Variants in HTRA3 observed in about 807,000 individuals in gnomAD.
HTRA3 encodes HtrA serine peptidase 3, also known as serine protease HTRA3.
Under a neutral mutation model 43.2 loss-of-function variants are expected in HTRA3, and 41 were observed. That is an observed-to-expected ratio of 0.95 (90% CI 0.74 to 1.23). The LOEUF is 1.23. Among genes scored for constraint, HTRA3 ranks in the 50% most tolerant of loss-of-function variants. The probability of loss-of-function intolerance (pLI) is 0.00; values close to 1 mark genes in which losing one functional copy is unlikely to be tolerated. For synonymous variants in HTRA3, 295 were observed against 287.9 expected (o/e 1.02, Z -0.25); for missense variants, 628 against 647.1 (o/e 0.97, Z 0.32).
intron 2 of HTRA3, among the ~76,000 whole-genome samples, chr4:8,284,884 A>G (rs2153005066): frequency 6.6e-6 from 1 of 152,332 alleles, no homozygotes; most frequent in East Asian, 1.9e-4. Context: ...CTGCCATAAC[A>G]AAGTACCACA....
intron 8 of HTRA3, 119 bp from the exon 9 acceptor site, chr4:8,305,852 C>T (rs1460936035): frequency 2.5e-5 from 27 of 1,090,008 alleles, no homozygotes; most frequent in Non-Finnish European, 3.6e-5. Context: ...TCTTTCCCAT[C>T]GAGATGACTT....
In HTRA3 at chr4:8,270,103, C is replaced by A. The variant is rs779264866; in HGVS notation, c.135C>A (p.Pro45=). 5 of 1,540,192 alleles carry A rather than the reference C, an allele frequency of 3.2e-6. No homozygotes were observed. The highest frequency in any genetic ancestry group is 4.3e-6 in the Non-Finnish European group (5 of 1,155,238). ...CCCGCTGCCCCGGCGGCTACGTGCCCGACCTCTGCAACTGCTGCCTGGTGT... is the reference window on the plus strand; with the variant it reads ...CCCGCTGCCCCGGCGGCTACGTGCCAGACCTCTGCAACTGCTGCCTGGTGT... ...PSPRCPGGYV[P]DLCNCCLVCA... The change falls in exon 1 of 9, where the codon CCC becomes CCA. Residue 45 remains proline, a synonymous_variant. Coordinates refer to ENST00000307358, the MANE Select transcript of HTRA3 (RefSeq NM_053044.5).
intron 1 of HTRA3, among the ~76,000 whole-genome samples, chr4:8,270,894 A>ACAGC (rs918233297): frequency 6.6e-6 from 1 of 152,150 alleles, no homozygotes; most frequent in African/African-American, 2.4e-5. Flanking sequence ...AGACCCTAGA[A>ACAGC]CAGCCTCCCT....
chr4:8,302,393 C>T (rs1578808498), intron 6 of HTRA3, 70 bp from the exon 7 acceptor site: 1 of 1,417,732 alleles, frequency 7.1e-7, no homozygotes. Flanking sequence ...TGTCCTCTGC[C>T]TGTCCCCTGA....
chr4:8,272,100 C>A (rs75789184), intron 1 of HTRA3, among the ~76,000 whole-genome samples: 2 of 152,150 alleles, frequency 1.3e-5, no homozygotes, highest in Admixed American at 1.3e-4. Context: ...CACCTCCCCA[C>A]CCCGCTCCCC....
At position 8,306,260 on chromosome 4, in the gene HTRA3, C is replaced by CG; in HGVS notation, c.*128dup. 4 of 1,036,130 alleles carry CG rather than the reference C, an allele frequency of 3.9e-6. No homozygotes were observed. The highest frequency in any genetic ancestry group is 4.0e-6 in the Non-Finnish European group (3 of 743,546). 64.2% of individuals were successfully genotyped at this position (1,036,130 alleles called of 1,614,324 possible). A position where few individuals can be genotyped will look rare whatever the true frequency, so the allele number is the denominator to read the frequency against. On this transcript the variant is annotated 3_prime_UTR_variant, in exon 9 of 9. Coordinates refer to ENST00000307358, the MANE Select transcript of HTRA3 (RefSeq NM_053044.5). This position sits in a 1 kb window ranked among gnomAD's most constrained non-coding sequence, Gnocchi z 8.9. ...GGGCGGCAGCCTCCTCCTGGCTGTC[C>CG]GGGGCAGAGCGGAGGCTGGGCTTGG... is the stretch of plus-strand genomic sequence containing the variant.
At chr4:8,300,906 AC>A (rs1260804168) in intron 6 of HTRA3, among the ~76,000 whole-genome samples, 1 of 150,714 alleles carries the variant, frequency 6.6e-6, no homozygotes, top group East Asian at 2.0e-4. Context: ...ATTGATTCAC[AC>A]TCTCAGCTTT....
At chr4:8,271,301 A>G (rs960739504) in intron 1 of HTRA3, among the ~76,000 whole-genome samples, 18 of 152,188 alleles carry the variant, frequency 1.2e-4, no homozygotes, top group African/African-American at 4.1e-4. Context: ...TGAGCGCTCT[A>G]TTCCTGTAGT....
Position 8,279,110 on chromosome 4 carries a change from G to C in HTRA3, c.386-3327G>C, listed in dbSNP as rs925725254. ...ACCAGATGGTCTCTGTCCCAAAGGA[G>C]CCTGGGGTGTGGGGTGGGCACGTGC... is the stretch of plus-strand genomic sequence containing the variant. On this transcript the variant is annotated intron_variant, in intron 1 of 8. Transcript: ENST00000307358. This position sits in a 1 kb window ranked among gnomAD's most constrained non-coding sequence, Gnocchi z 7.4. Among the ~76,000 whole-genome samples, 1 of 152,114 alleles carries C rather than the reference G, an allele frequency of 6.6e-6. No individual in the cohort carries two copies. The highest frequency in any genetic ancestry group is 1.9e-4 in the East Asian group (1 of 5,176).
intron 8 of HTRA3, among the ~76,000 whole-genome samples, chr4:8,304,659 T>G (rs1036942952): frequency 7.2e-6 from 1 of 139,614 alleles, no homozygotes; most frequent in African/African-American, 2.7e-5. Flanking sequence ...TTTTTTTTTT[T>G]TTTTTTTTTT....
intron 1 of HTRA3, among the ~76,000 whole-genome samples, chr4:8,278,117 C>T (rs530165580): frequency 2.0e-5 from 3 of 152,152 alleles, no homozygotes; most frequent in Non-Finnish European, 4.4e-5. Context: ...GCCTCAGTGT[C>T]GCCATCTGTT....
intron 1 of HTRA3, among the ~76,000 whole-genome samples, chr4:8,281,960 C>G (rs570179594): frequency 3.9e-5 from 6 of 152,322 alleles, no homozygotes; most frequent in Non-Finnish European, 5.9e-5. Context: ...ACTACACCCC[C>G]GCCTGGACAC....
In HTRA3 at chr4:8,270,189, T is replaced by G. The variant is rs1291317705; in HGVS notation, c.221T>G (p.Leu74Arg). 1 of 1,540,830 alleles carries G rather than the reference T, an allele frequency of 6.5e-7. No individual in the cohort carries two copies. Among genetic ancestry groups the G allele is most frequent in the South Asian group, 1.2e-5 (1 of 84,422 alleles). ...CTGGACTCGCCTTGCGGCGAGAGCC[T>G]GGAGTGCGTGCGCGGCCTATGCCGC... ...GPLDSPCGESLECVRGLCRCR... is the reference protein window; with the variant it reads ...GPLDSPCGESRECVRGLCRCR... The change falls in exon 1 of 9, where the codon CTG becomes CGG. Residue 74 changes from leucine to arginine, a missense_variant. By Grantham distance (102) the Leu-to-Arg change is moderately radical. Coordinates refer to ENST00000307358, the MANE Select transcript of HTRA3 (RefSeq NM_053044.5).
chr4:8,272,623 C>T (rs747795562), intron 1 of HTRA3, among the ~76,000 whole-genome samples: 2 of 152,216 alleles, frequency 1.3e-5, no homozygotes, highest in African/African-American at 2.4e-5. Context: ...CTGTGGCGAC[C>T]GACCCAAATC....
In HTRA3 at chr4:8,295,882, G is replaced by A; in HGVS notation, c.1051+1681G>A. 4.9e-6 allele frequency: 6 copies of A among 1,234,954 alleles called. No homozygotes were observed. The highest frequency in any genetic ancestry group is 6.1e-6 in the Non-Finnish European group (6 of 988,834). 76.5% of individuals were successfully genotyped at this position (1,234,954 alleles called of 1,614,324 possible). A position where few individuals can be genotyped will look rare whatever the true frequency, so the allele number is the denominator to read the frequency against. On this transcript the variant is annotated intron_variant, in intron 6 of 8. Transcript: ENST00000307358. The surrounding 1 kb of genome is among the most constrained non-coding windows in gnomAD (Gnocchi z 6.9). The stretch of plus-strand genomic sequence containing the variant: ...GTGTCCATTATGGGAAGACAATCTG[G>A]AGCCAGGCAGAGCCTGTCTTTCCCA...
At chr4:8,280,694 G>A (rs754560948) in intron 1 of HTRA3, among the ~76,000 whole-genome samples, 2 of 152,142 alleles carry the variant, frequency 1.3e-5, no homozygotes, top group African/African-American at 2.4e-5. Context: ...CTGAGACCCC[G>A]CTCTGCCGCA....
intron 5 of HTRA3, among the ~76,000 whole-genome samples, chr4:8,292,705 T>A (rs944094888): frequency 6.6e-6 from 1 of 152,112 alleles, no homozygotes; most frequent in Non-Finnish European, 1.5e-5. Flanking sequence ...ACCCTCATTC[T>A]CCCCTTCCCA....
At position 8,286,499 on chromosome 4, in the gene HTRA3, C is replaced by G. The variant is rs570364292; in HGVS notation, c.486-62C>G. ...TCCTCGCTGACCAGCCCCACCACTG[C>G]GCCTGACTCCCCCGCGTCCTAGCCC... On this transcript the variant is annotated intron_variant, in intron 2 of 8. Coordinates refer to ENST00000307358, the MANE Select transcript of HTRA3 (RefSeq NM_053044.5). The surrounding 1 kb of genome is among the most constrained non-coding windows in gnomAD (Gnocchi z 4.9). 264 of 1,376,238 alleles carry G rather than the reference C, an allele frequency of 1.9e-4. 4 individuals carry two copies. The South Asian group carries it at 3.1e-3, about 16-fold the overall frequency. 85.3% of individuals were successfully genotyped at this position (1,376,238 alleles called of 1,614,324 possible).
At chr4:8,282,156 G>T (rs1189003872) in intron 1 of HTRA3, among the ~76,000 whole-genome samples, 2 of 152,194 alleles carry the variant, frequency 1.3e-5, no homozygotes, top group African/African-American at 4.8e-5. Context: ...TGAGCCTCCT[G>T]CCCAGCCTAG....
Sources: gnomAD v4.1 joint callset for allele counts (sites outside exome capture counted in the v4.1 genomes callset) on GRCh38, gnomAD v4.1.1 for gene constraint, Gnocchi (gnomAD v3.1) non-coding constraint, MANE v1.5 for transcripts, NCBI Gene and HGNC (gene_info 2026-07-23, HGNC 2026-07-21) for gene names.